Variants in ASTN1 observed in about 807,000 individuals in gnomAD.
ASTN1 encodes astrotactin-1.
A neutral mutation model predicts 140.7 loss-of-function variants in ASTN1; 41 were observed. That is an observed-to-expected ratio of 0.29 (90% confidence interval 0.23 to 0.38). The LOEUF is 0.38. Among genes scored for constraint, ASTN1 ranks in the 10% least tolerant of loss-of-function variants. ASTN1 has a pLI of 1.00. For synonymous variants in ASTN1, 640 were observed against 652.2 expected, an observed-to-expected ratio of 0.98 and a Z score of 0.29; for missense variants, 1,479 against 1,678.8, an observed-to-expected ratio of 0.88 and a Z score of 2.08.
intron 1 of ASTN1, among the ~76,000 whole-genome samples, chr1:177,079,749 A>C (rs1370005814): frequency 6.6e-6 from 1 of 152,114 alleles, no homozygotes; most frequent in African/African-American, 2.4e-5. Context: ...CAATTCCTTC[A>C]CAACATGAAC....
At chr1:176,939,338 G>A (rs1671588882) in intron 14 of ASTN1, among the ~76,000 whole-genome samples, 1 of 152,164 alleles carries the variant, frequency 6.6e-6, no homozygotes, top group Non-Finnish European at 1.5e-5. Context: ...CAGATGTTGG[G>A]TGGGGAAGAG....
At chr1:177,075,467 G>A (rs1348368650) in intron 1 of ASTN1, among the ~76,000 whole-genome samples, 1 of 151,550 alleles carries the variant, frequency 6.6e-6, no homozygotes, top group Non-Finnish European at 1.5e-5. Flanking sequence ...TTTCTTTGCT[G>A]GAGGTTTCCT....
At chr1:176,872,668 C>T (rs570720540) in intron 21 of ASTN1, among the ~76,000 whole-genome samples, 1 of 152,234 alleles carries the variant, frequency 6.6e-6, no homozygotes, top group South Asian at 2.1e-4. Flanking sequence ...ATGACCAGGC[C>T]CTGTGGAATC....
rs192779104 is a variant in ASTN1 at position 176,952,287 on chromosome 1, A to G, written c.1888-2936T>C. On this transcript the variant is annotated intron_variant, in intron 11 of 22. Transcript: ENST00000361833. ...TTCAAACACACAAACACACACACAC[A>G]CACACGCACATGCATGCATACACAC... Among the ~76,000 whole-genome samples, 5 of 152,016 alleles carry G rather than the reference A, an allele frequency of 3.3e-5. No individual in the cohort carries two copies. In the East Asian group the frequency reaches 9.7e-4, roughly 29 times the overall value.
chr1:176,949,385 T>C (rs1672095464), intron 11 of ASTN1, 34 bp from the exon 12 acceptor site: 2 of 1,594,492 alleles, frequency 1.3e-6, no homozygotes, highest in Admixed American at 3.4e-5. Flanking sequence ...CATACGTGGG[T>C]GAATCGGGGA....
chr1:177,006,832 C>T (rs989731400), intron 8 of ASTN1, among the ~76,000 whole-genome samples: 2 of 152,092 alleles, frequency 1.3e-5, no homozygotes, highest in Admixed American at 6.5e-5. Flanking sequence ...CTCATCACCA[C>T]GGGGAGGAGG....
chr1:177,021,379 G>A (rs1267319426), intron 7 of ASTN1, among the ~76,000 whole-genome samples: 1 of 152,236 alleles, frequency 6.6e-6, no homozygotes, highest in East Asian at 1.9e-4. Context: ...CTGAAGAGTT[G>A]ATGGGAGAGC....
intron 14 of ASTN1, among the ~76,000 whole-genome samples, chr1:176,940,768 A>T (rs1671681595): frequency 6.6e-6 from 1 of 152,236 alleles, no homozygotes; most frequent in Admixed American, 6.5e-5. Context: ...CATGTAGTTC[A>T]GTATTTTCCA....
At chr1:177,103,904 T>C (rs890393716) in intron 1 of ASTN1, among the ~76,000 whole-genome samples, 4 of 152,278 alleles carry the variant, frequency 2.6e-5, no homozygotes, top group Admixed American at 2.0e-4. Flanking sequence ...TTTGTCTCTT[T>C]CACAGTTATT....
chr1:176,896,137 A>G (rs1337920141), intron 16 of ASTN1, among the ~76,000 whole-genome samples: 2 of 152,192 alleles, frequency 1.3e-5, no homozygotes, highest in African/African-American at 2.4e-5. Flanking sequence ...GCTATGTAAT[A>G]TGAGCCCATT....
intron 16 of ASTN1, among the ~76,000 whole-genome samples, chr1:176,917,029 T>C (rs143315314): frequency 3.9e-5 from 6 of 151,978 alleles, no homozygotes; most frequent in African/African-American, 7.2e-5. Context: ...TTTCCCAGAG[T>C]CAGCCTGAGG....
At chr1:176,961,411 A>C (rs1375271747) in intron 9 of ASTN1, among the ~76,000 whole-genome samples, 1 of 152,186 alleles carries the variant, frequency 6.6e-6, no homozygotes, top group African/African-American at 2.4e-5. Flanking sequence ...GGGGAAGCAA[A>C]GTCAGGTGTT....
rs1447453219 is a variant in ASTN1 at position 176,863,612 on chromosome 1, A to T, written c.*672T>A. The T allele has an allele frequency of 1.0e-6, 1 of 985,460 alleles. No homozygotes were observed. Among genetic ancestry groups the T allele is most frequent in the East Asian group, 1.1e-4 (1 of 8,814 alleles). The allele number at this position is 985,460 out of a possible 1,614,324, so 61.0% of individuals were successfully genotyped here. A position where few individuals can be genotyped will look rare whatever the true frequency, so the allele number is the denominator to read the frequency against. ...CAGAGATCTGACAGAGGGAGATTTA[A>T]TCCCAGTCCTGGCTTAAAATAAGGA... On this transcript the variant is annotated 3_prime_UTR_variant, in exon 23 of 23. Coordinates refer to ENST00000361833, the MANE Select transcript of ASTN1 (RefSeq NM_004319.3).
intron 1 of ASTN1, among the ~76,000 whole-genome samples, chr1:177,138,154 G>A (rs1456912888): frequency 6.6e-6 from 1 of 152,174 alleles, no homozygotes; most frequent in Non-Finnish European, 1.5e-5. Flanking sequence ...AAAGAAAGAT[G>A]CCACTTTTGA....
rs775214126 is a variant in ASTN1, at chr1:176,958,431, A to G, written c.1650T>C (p.Phe550=). 6.2e-7 allele frequency: 1 copy of G among 1,614,024 alleles called. No homozygotes were observed. The highest frequency in any genetic ancestry group is 8.5e-7 in the Non-Finnish European group (1 of 1,179,974). The part of the protein sequence containing the change: ...EGMWLPLSKS[F]VIPPAELAIN... The stretch of plus-strand genomic sequence containing the variant: ...TGGCCAGTTCGGCTGGTGGAATCAC[A>G]AAGCTCTTGCTGAGGGGCAACCACA... The change falls in exon 10 of 23, where the codon TTT becomes TTC. Residue 550 remains phenylalanine (F), a synonymous_variant. Transcript: ENST00000361833.
intron 1 of ASTN1, among the ~76,000 whole-genome samples, chr1:177,160,512 T>C (rs1301061277): frequency 1.3e-5 from 2 of 152,234 alleles, no homozygotes; most frequent in African/African-American, 2.4e-5. Flanking sequence ...GTTGTACATA[T>C]GCAAAAGCTC....
intron 1 of ASTN1, among the ~76,000 whole-genome samples, chr1:177,062,427 T>G (rs1433514754): frequency 6.6e-6 from 1 of 151,790 alleles, no homozygotes; most frequent in African/African-American, 2.4e-5. Context: ...TTATTTTTTG[T>G]AGAGACAGGA....
chr1:177,151,763 C>A (rs1027828005), intron 1 of ASTN1, among the ~76,000 whole-genome samples: 1 of 152,102 alleles, frequency 6.6e-6, no homozygotes, highest in African/African-American at 2.4e-5. Context: ...AGTTGTGGAC[C>A]CTCTTTTCAA....
At position 176,968,000 on chromosome 1, in the gene ASTN1, T is replaced by G. The variant is rs112199640; in HGVS notation, c.1524-2763A>C. Among the ~76,000 whole-genome samples, 328 of 152,214 alleles carry G rather than the reference T, an allele frequency of 2.2e-3. 1 individual carries two copies. The highest frequency in any genetic ancestry group is 7.5e-3 in the African/African-American group (311 of 41,546). Reference sequence around the variant, plus strand: ...GTGTAGACCCCATCCTGATCACATTTAAAGGCAGCAGGGCACAGTGGTTTC... The same window carrying G: ...GTGTAGACCCCATCCTGATCACATTGAAAGGCAGCAGGGCACAGTGGTTTC... On this transcript the variant is annotated intron_variant, in intron 8 of 22. Coordinates refer to ENST00000361833, the MANE Select transcript of ASTN1 (RefSeq NM_004319.3).
Sources: gnomAD v4.1 joint callset for allele counts (sites outside exome capture counted in the v4.1 genomes callset) on GRCh38, gnomAD v4.1.1 for gene constraint, MANE v1.5 for transcripts, NCBI Gene and HGNC (gene_info 2026-07-23, HGNC 2026-07-21) for gene names.